Variants in RBFOX1 observed in about 807,000 individuals in gnomAD.
The protein encoded by RBFOX1 is RNA binding protein fox-1 homolog 1.
RBFOX1 carries 8 observed loss-of-function variants against 57.7 expected under a neutral mutation model. The ratio of observed to expected loss-of-function variants is 0.14; its 90% confidence interval spans 0.08 to 0.25. The LOEUF (loss-of-function observed/expected upper bound fraction) is 0.25, where lower values mean the gene tolerates loss of function less well. RBFOX1 is among the 10% of genes least tolerant of loss of function. RBFOX1 has a pLI of 1.00. For synonymous variants in RBFOX1, 326 were observed against 222.4 expected (o/e 1.47, Z -4.15); for missense variants, 611 against 548.5 (o/e 1.11, Z -1.14).
Position 6,881,827 on chromosome 16 carries a change from A to G in RBFOX1, c.-15-170230A>G, listed in dbSNP as rs562890160. ...CATACTGGGTACTTTTATTCTCCCTATTTTACAGAGCAGGAAACTGAGGCT... is the reference window on the plus strand; with the variant it reads ...CATACTGGGTACTTTTATTCTCCCTGTTTTACAGAGCAGGAAACTGAGGCT... On this transcript the variant is annotated intron_variant, in intron 3 of 15. Transcript: ENST00000550418. 3.7e-4 allele frequency among the ~76,000 whole-genome samples: 56 copies of G among 150,906 alleles called. 1 individual carries two copies. The highest frequency in any genetic ancestry group is 1.3e-3 in the African/African-American group (54 of 40,850).
At chr16:6,076,616 G>C (rs2095905520) in intron 1 of RBFOX1, among the ~76,000 whole-genome samples, 1 of 149,860 alleles carries the variant, frequency 6.7e-6, no homozygotes. Context: ...AAGAGCCTTA[G>C]GACTCTTAAC....
At chr16:6,963,950 G>A (rs903886492) in intron 3 of RBFOX1, among the ~76,000 whole-genome samples, 8 of 151,946 alleles carry the variant, frequency 5.3e-5, no homozygotes, top group Non-Finnish European at 7.4e-5. Context: ...CACCCGCCTC[G>A]GCCTCCCAAA....
At chr16:5,654,332 A>G (rs757079728) in intron 3 of RBFOX1, among the ~76,000 whole-genome samples, 1 of 152,176 alleles carries the variant, frequency 6.6e-6, no homozygotes, top group Non-Finnish European at 1.5e-5. Flanking sequence ...CCTGCAAGCC[A>G]GATGTTAAGC....
intron 4 of RBFOX1, among the ~76,000 whole-genome samples, chr16:7,485,959 G>A (rs780022638): frequency 1.3e-5 from 2 of 152,162 alleles, no homozygotes; most frequent in Non-Finnish European, 2.9e-5. Context: ...CAACTGTGAA[G>A]TTGAGTTGTG....
chr16:5,361,265 G>A (rs549262578), intron 1 of RBFOX1, among the ~76,000 whole-genome samples: 8 of 151,776 alleles, frequency 5.3e-5, no homozygotes, highest in Admixed American at 2.0e-4. Context: ...AGGAGGAGCT[G>A]TAAACATGGG....
intron 1 of RBFOX1, among the ~76,000 whole-genome samples, chr16:6,102,177 CAAAA>C (rs371780023): frequency 5.3e-5 from 6 of 114,030 alleles, no homozygotes; most frequent in African/African-American, 1.2e-4. Context: ...CTCTTTCAGC[CAAAA>C]AAAAAAAAAA....
At chr16:6,252,573 G>A (rs531025639) in intron 1 of RBFOX1, among the ~76,000 whole-genome samples, 29 of 151,998 alleles carry the variant, frequency 1.9e-4, no homozygotes, top group African/African-American at 7.0e-4. Flanking sequence ...GGATATGATA[G>A]GATGCTGTTG....
rs369104858 is a variant in RBFOX1 at position 5,814,650 on chromosome 16, C to T, written c.319-52653C>T. Among the ~76,000 whole-genome samples, 45 of 152,282 alleles carry T rather than the reference C, an allele frequency of 3.0e-4. No homozygotes were observed. The South Asian group carries it at 4.8e-3, about 16-fold the overall frequency. ...GCCATTTAAAAATTTTATTCCTGGCCGGGCGCGGTGGCTCACGCCTGTAAT... is the reference window on the plus strand; with the variant it reads ...GCCATTTAAAAATTTTATTCCTGGCTGGGCGCGGTGGCTCACGCCTGTAAT... On this transcript the variant is annotated intron_variant, in intron 3 of 19. Transcript: ENST00000641259.
At chr16:7,492,700 G>A (rs1411368770) in intron 4 of RBFOX1, among the ~76,000 whole-genome samples, 3 of 151,892 alleles carry the variant, frequency 2.0e-5, no homozygotes, top group South Asian at 2.1e-4. Context: ...CATACCCTTG[G>A]TGGTAGTGGC....
At chr16:5,859,997 A>G (rs899939816) in intron 3 of RBFOX1, among the ~76,000 whole-genome samples, 3 of 152,198 alleles carry the variant, frequency 2.0e-5, no homozygotes, top group African/African-American at 7.2e-5. Context: ...AGCCTCTGCA[A>G]CAAGGCTATC....
chr16:6,942,410 C>T (rs62017717), intron 3 of RBFOX1, among the ~76,000 whole-genome samples: 1 of 152,058 alleles, frequency 6.6e-6, no homozygotes, highest in Non-Finnish European at 1.5e-5. Context: ...CCCTCTCCGT[C>T]AGCCTCCCAA....
intron 1 of RBFOX1, among the ~76,000 whole-genome samples, chr16:6,251,893 T>A (rs2097616435): frequency 6.6e-6 from 1 of 152,082 alleles, no homozygotes; most frequent in African/African-American, 2.4e-5. Flanking sequence ...TGACCTTACT[T>A]ACAAGGCGGC....
chr16:6,104,279 A>G (rs1025047683), intron 1 of RBFOX1, among the ~76,000 whole-genome samples: 9 of 152,228 alleles, frequency 5.9e-5, no homozygotes, highest in Non-Finnish European at 1.3e-4. Flanking sequence ...CTTCTTAAGT[A>G]TAAGGAGAAT....
In RBFOX1 at chr16:6,906,223, C is replaced by G. The variant is rs1469970543; in HGVS notation, c.-15-145834C>G. ...AAGGTGCCCATCCTATGGGCAACCC[C>G]AAAAAGCAATTTATTACCCCCCCCC... On this transcript the variant is annotated intron_variant, in intron 3 of 15. Coordinates refer to ENST00000550418, the MANE Select transcript of RBFOX1 (RefSeq NM_018723.4). Among the ~76,000 whole-genome samples, 5 of 146,810 alleles carry G rather than the reference C, an allele frequency of 3.4e-5. No homozygotes were observed. In the South Asian group the frequency reaches 8.9e-4, roughly 26 times the overall value.
chr16:7,589,912 G>GGTGTGTGTGTGTGTGT (rs3029164), intron 7 of RBFOX1, among the ~76,000 whole-genome samples: 3,820 of 134,970 alleles, frequency 0.028, 124 homozygotes, highest in Middle Eastern at 0.046. Context: ...GTGTGTGCTG[G>GGTGTGTGTGTGTGTGT]GTGTGTGTGT....
chr16:5,278,401 C>T (rs925523272), intron 1 of RBFOX1, among the ~76,000 whole-genome samples: 3 of 152,110 alleles, frequency 2.0e-5, no homozygotes, highest in Non-Finnish European at 4.4e-5. Context: ...GTGGCGATTG[C>T]GTTTGGCATC....
intron 4 of RBFOX1, among the ~76,000 whole-genome samples, chr16:7,393,983 C>T (rs867391247): frequency 5.3e-5 from 8 of 152,054 alleles, no homozygotes; most frequent in African/African-American, 1.9e-4. Flanking sequence ...CACCTGTAAT[C>T]CTAGCCCTTT....
At chr16:7,515,341 A>G (rs1423983871) in intron 4 of RBFOX1, among the ~76,000 whole-genome samples, 2 of 152,044 alleles carry the variant, frequency 1.3e-5, no homozygotes, top group Non-Finnish European at 1.5e-5. Flanking sequence ...GACAAAGGGT[A>G]CAAAGTGTCA....
intron 11 of RBFOX1, among the ~76,000 whole-genome samples, chr16:7,642,243 G>C (rs2062951806): frequency 6.6e-6 from 1 of 152,156 alleles, no homozygotes; most frequent in Non-Finnish European, 1.5e-5. Flanking sequence ...TCAGATATCA[G>C]GCAGATGATC....
Sources: allele counts gnomAD v4.1 joint callset (sites outside exome capture counted in the v4.1 genomes callset), GRCh38; gene constraint gnomAD v4.1.1; transcripts MANE v1.5; gene names NCBI Gene and HGNC (gene_info 2026-07-23, HGNC 2026-07-21).